Variants in KAZN observed in about 807,000 individuals in gnomAD.
The protein encoded by KAZN is kazrin, periplakin interacting protein.
In KAZN, 40 loss-of-function variants were observed where a neutral mutation model predicts 87.4. The ratio of observed to expected loss-of-function variants is 0.46; its 90% CI spans 0.36 to 0.60. The LOEUF (loss-of-function observed/expected upper bound fraction) is 0.60. Among genes scored for constraint, KAZN ranks in the 20% least tolerant of loss-of-function variants. The pLI, the probability that KAZN is intolerant of heterozygous loss-of-function variation, is 0.00. For missense variants in KAZN, 898 were observed against 1,073.9 expected (o/e 0.84, Z 2.29); for synonymous variants, 466 against 458.3 (o/e 1.02, Z -0.22).
intron 1 of KAZN, among the ~76,000 whole-genome samples, chr1:14,096,275 C>T (rs1220484731): frequency 6.6e-6 from 1 of 152,124 alleles, no homozygotes; most frequent in African/African-American, 2.4e-5. Flanking sequence ...ACATTTTGAC[C>T]TGCAACCAGG....
chr1:14,586,706 T>C (rs917149531), intron 2 of KAZN, among the ~76,000 whole-genome samples: 1 of 99,808 alleles, frequency 1.0e-5, no homozygotes, highest in Non-Finnish European at 2.2e-5. Context: ...CAGATATGTT[T>C]TTTTTTTACT....
At chr1:14,449,555 T>C (rs1667154411) in intron 2 of KAZN, among the ~76,000 whole-genome samples, 1 of 152,178 alleles carries the variant, frequency 6.6e-6, no homozygotes, top group South Asian at 2.1e-4. Context: ...CAAAATAGTG[T>C]GTGCTTATAC....
At chr1:15,063,977 C>T (rs1639027410) in intron 7 of KAZN, among the ~76,000 whole-genome samples, 1 of 152,224 alleles carries the variant, frequency 6.6e-6, no homozygotes, top group Admixed American at 6.5e-5. Context: ...GGCCCTGTGC[C>T]CTGCAGGGCT....
Position 14,681,611 on chromosome 1 carries a change from GTGTATATATATATATATATATATATATA to G in KAZN, c.226+82390_226+82417del, listed in dbSNP as rs1640589580. 2.9e-3 allele frequency among the ~76,000 whole-genome samples: 98 copies of G among 33,872 alleles called. 2 individuals are homozygous for G. The highest frequency in any genetic ancestry group is 3.9e-3 in the African/African-American group (41 of 10,408). 22.2% of individuals were successfully genotyped at this position (33,872 alleles called of 152,430 possible). A position where few individuals can be genotyped will look rare whatever the true frequency, so the allele number is the denominator to read the frequency against. ...ATTTTAACTATATATATATGTATAT[GTGTATATATATATATATATATATATATA>G]TATATATATATATATATATTTTTTT... On this transcript the variant is annotated intron_variant, in intron 1 of 14. Coordinates refer to ENST00000376030, the MANE Select transcript of KAZN (RefSeq NM_201628.3).
At chr1:14,022,540 TAACA>T (rs1168517841) in intron 1 of KAZN, among the ~76,000 whole-genome samples, 4 of 106,528 alleles carry the variant, frequency 3.8e-5, no homozygotes, top group Admixed American at 1.8e-4. Flanking sequence ...GAAATAAAAA[TAACA>T]AACAAAAACT....
intron 1 of KAZN, among the ~76,000 whole-genome samples, chr1:13,949,346 A>G (rs1641262275): frequency 6.6e-6 from 1 of 152,146 alleles, no homozygotes; most frequent in South Asian, 2.1e-4. Context: ...GGCCTGGGCC[A>G]GCAGAAATAC....
At chr1:14,857,142 T>C (rs1476635425) in intron 1 of KAZN, among the ~76,000 whole-genome samples, 1 of 137,354 alleles carries the variant, frequency 7.3e-6, no homozygotes, top group Non-Finnish European at 1.5e-5. Flanking sequence ...TTTGCTTCTC[T>C]GAAACACAGT....
In KAZN at chr1:15,114,473, G is replaced by T; in HGVS notation, c.2166G>T (p.Leu722=). 1 of 1,609,144 alleles carries T rather than the reference G, an allele frequency of 6.2e-7. No individual in the cohort carries two copies. The highest frequency in any genetic ancestry group is 8.5e-7 in the Non-Finnish European group (1 of 1,177,420). The change falls in exon 15 of 15, where the codon CTG becomes CTT. Residue 722 remains leucine, a splice_region_variant and synonymous_variant. Coordinates refer to ENST00000376030, the MANE Select transcript of KAZN (RefSeq NM_201628.3). ...TGATCATATTCTTCTCTTCTCAGCTGCCCCTGGGGAAGATAGGAAGGGGCT... is the reference window on the plus strand; with the variant it reads ...TGATCATATTCTTCTCTTCTCAGCTTCCCCTGGGGAAGATAGGAAGGGGCT... The part of the protein sequence containing the change: ...SSGLKYKAGR[L]PLGKIGRGFS...
intron 13 of KAZN, among the ~76,000 whole-genome samples, chr1:15,108,322 C>T (rs1438436360): frequency 1.3e-5 from 2 of 152,250 alleles, no homozygotes; most frequent in Non-Finnish European, 2.9e-5. Flanking sequence ...GCCCAAACTC[C>T]AGGCACTGGG....
At chr1:14,007,579 A>T (rs953267889) in intron 1 of KAZN, among the ~76,000 whole-genome samples, 6 of 152,244 alleles carry the variant, frequency 3.9e-5, no homozygotes, top group Admixed American at 6.5e-5. Flanking sequence ...TGGCACTAAA[A>T]TACAAAAAGT....
intron 2 of KAZN, among the ~76,000 whole-genome samples, chr1:14,259,629 C>T (rs557655694): frequency 1.3e-5 from 2 of 152,294 alleles, no homozygotes; most frequent in African/African-American, 4.8e-5. Flanking sequence ...GGTTCATCAC[C>T]ATTTCCAGAG....
intron 1 of KAZN, among the ~76,000 whole-genome samples, chr1:14,896,401 C>T (rs1276422941): frequency 6.6e-6 from 1 of 152,172 alleles, no homozygotes; most frequent in African/African-American, 2.4e-5. Flanking sequence ...GGAGCAGTGG[C>T]TTGATTTGTA....
intron 2 of KAZN, among the ~76,000 whole-genome samples, chr1:14,288,202 T>C (rs2100737425): frequency 6.6e-6 from 1 of 152,314 alleles, no homozygotes; most frequent in Admixed American, 6.5e-5. Context: ...ATAAAATGAG[T>C]TAGGGAGGAT....
intron 2 of KAZN, among the ~76,000 whole-genome samples, chr1:14,529,822 G>T (rs955762344): frequency 1.8e-4 from 27 of 152,178 alleles, no homozygotes; most frequent in Non-Finnish European, 1.3e-4. Flanking sequence ...TGTTCTATGT[G>T]GCATGACTTG....
Position 14,761,437 on chromosome 1 carries a change from A to G in KAZN, c.226+162214A>G, listed in dbSNP as rs1322820574. On this transcript the variant is annotated intron_variant, in intron 1 of 14. Transcript: ENST00000376030. ...ACCCTTTTGGAAAACAAGCTTCAACACTGATTCAGCATTGATCAGCAGCAT... is the reference window on the plus strand; with the variant it reads ...ACCCTTTTGGAAAACAAGCTTCAACGCTGATTCAGCATTGATCAGCAGCAT... Among the ~76,000 whole-genome samples the G allele has an allele frequency of 2.0e-5, 3 of 152,162 alleles. No homozygotes were observed. In the East Asian group the frequency reaches 5.8e-4, roughly 29 times the overall value.
intron 2 of KAZN, among the ~76,000 whole-genome samples, chr1:15,007,715 G>A (rs1051947367): frequency 3.3e-5 from 5 of 152,204 alleles, no homozygotes; most frequent in African/African-American, 1.2e-4. Context: ...TAGCAGGCCC[G>A]GCAAAGTGGG....
chr1:14,580,918 G>A (rs866562705), intron 2 of KAZN, among the ~76,000 whole-genome samples: 3 of 151,998 alleles, frequency 2.0e-5, no homozygotes, highest in African/African-American at 4.8e-5. Context: ...TTCTCTCCAC[G>A]GCTTTCGGGA....
chr1:14,899,315 C>T (rs1655600765), intron 1 of KAZN, among the ~76,000 whole-genome samples: 1 of 152,188 alleles, frequency 6.6e-6, no homozygotes, highest in Admixed American at 6.5e-5. Context: ...CCTCATTACC[C>T]TTTTGTAGAC....
intron 1 of KAZN, among the ~76,000 whole-genome samples, chr1:14,815,997 C>A (rs966827532): frequency 1.3e-5 from 2 of 152,156 alleles, no homozygotes; most frequent in African/African-American, 4.8e-5. Context: ...TGACATTTCT[C>A]ATTCCAAGCC....
Sources: gnomAD v4.1 joint callset for allele counts (sites outside exome capture counted in the v4.1 genomes callset) on GRCh38, gnomAD v4.1.1 for gene constraint, MANE v1.5 for transcripts, NCBI Gene and HGNC (gene_info 2026-07-23, HGNC 2026-07-21) for gene names.